PALLD: variants seen among roughly 807,000 people sequenced by gnomAD.
PALLD encodes palladin, cytoskeletal associated protein, also known as palladin.
Under a neutral mutation model 123.5 loss-of-function variants are expected in PALLD, and 61 were observed. That is an observed-to-expected ratio of 0.49 (90% CI 0.40 to 0.61). The LOEUF (loss-of-function observed/expected upper bound fraction) is 0.61. Among genes scored for constraint, PALLD ranks in the 20% least tolerant of loss-of-function variants. The probability of loss-of-function intolerance (pLI) is 0.00; values close to 1 mark genes in which losing one functional copy is unlikely to be tolerated. For missense variants in PALLD, 1,273 were observed against 1,377.0 expected (o/e 0.92, Z 1.20); for synonymous variants, 465 against 496.4 (o/e 0.94, Z 0.84).
rs929698383 is a variant in PALLD at position 168,668,029 on chromosome 4, C to T, written c.909-161C>T. Among the ~76,000 whole-genome samples, 6 of 152,006 alleles carry T rather than the reference C, an allele frequency of 3.9e-5. No homozygotes were observed. In the East Asian group the frequency reaches 1.2e-3, roughly 29 times the overall value. ...ATTGTCTAGTCATTAATTTCACAGT[C>T]TAAATTGTAGAGTTTCCATTAGTAA... On this transcript the variant is annotated intron_variant, in intron 2 of 21. Coordinates refer to ENST00000505667, the MANE Select transcript of PALLD (RefSeq NM_001166108.2).
intron 18 of PALLD, among the ~76,000 whole-genome samples, chr4:168,922,877 G>A (rs539252601): frequency 1.3e-5 from 2 of 152,336 alleles, no homozygotes; most frequent in South Asian, 4.1e-4. Context: ...GTGATGCACA[G>A]TAATTGGAAG....
At chr4:168,822,232 T>G (rs2150800453) in intron 10 of PALLD, among the ~76,000 whole-genome samples, 2 of 152,112 alleles carry the variant, frequency 1.3e-5, no homozygotes, top group South Asian at 4.2e-4. Context: ...TTAGGAATTG[T>G]TTTACATACT....
chr4:168,535,619 G>A (rs1478234834), intron 2 of PALLD, among the ~76,000 whole-genome samples: 1 of 152,192 alleles, frequency 6.6e-6, no homozygotes, highest in East Asian at 1.9e-4. Context: ...ATCACATGGT[G>A]GGTATCACAA....
At chr4:168,917,850 A>G (rs1228783693) in intron 17 of PALLD, among the ~76,000 whole-genome samples, 2 of 152,342 alleles carry the variant, frequency 1.3e-5, no homozygotes, top group African/African-American at 2.4e-5. Flanking sequence ...TAAGAATTAT[A>G]CAGTACAGCT....
At chr4:168,569,028 G>T (rs946935718) in intron 2 of PALLD, among the ~76,000 whole-genome samples, 10 of 151,996 alleles carry the variant, frequency 6.6e-5, no homozygotes, top group African/African-American at 2.4e-4. Context: ...TCCTGGTCTG[G>T]TTTACTTTTT....
At chr4:168,614,618 T>C (rs1774043075) in intron 2 of PALLD, among the ~76,000 whole-genome samples, 1 of 152,234 alleles carries the variant, frequency 6.6e-6, no homozygotes, top group African/African-American at 2.4e-5. Context: ...TTTTGCATAG[T>C]GGACTCTCAG....
intron 10 of PALLD, among the ~76,000 whole-genome samples, chr4:168,728,265 G>A (rs1022076676): frequency 6.6e-6 from 1 of 152,142 alleles, no homozygotes; most frequent in East Asian, 1.9e-4. Context: ...ACTTTGACAG[G>A]AATAGCATTG....
intron 10 of PALLD, among the ~76,000 whole-genome samples, chr4:168,807,277 GCACACACACACA>G (rs72123198): frequency 6.9e-6 from 1 of 144,826 alleles, no homozygotes; most frequent in African/African-American, 2.5e-5. Flanking sequence ...ACACACACAC[GCACACACACACA>G]CACACACACA....
At chr4:168,685,108 A>G (rs150720339) in intron 5 of PALLD, among the ~76,000 whole-genome samples, 4 of 152,342 alleles carry the variant, frequency 2.6e-5, no homozygotes, top group Admixed American at 2.6e-4. Flanking sequence ...CCAATAGCCA[A>G]TGGCTTTTAT....
At chr4:168,875,043 C>T (rs1327036778) in intron 10 of PALLD, among the ~76,000 whole-genome samples, 1 of 151,700 alleles carries the variant, frequency 6.6e-6, no homozygotes, top group African/African-American at 2.4e-5. Context: ...CTTAACTTGT[C>T]ATACTATTTG....
intron 2 of PALLD, among the ~76,000 whole-genome samples, chr4:168,561,398 A>G (rs528982538): frequency 6.6e-6 from 1 of 152,112 alleles, no homozygotes; most frequent in Non-Finnish European, 1.5e-5. Context: ...AGTAGCTGGG[A>G]CTACAGGCTA....
intron 10 of PALLD, among the ~76,000 whole-genome samples, chr4:168,793,192 T>TGTGTGTGC (rs1221667141): frequency 2.6e-5 from 3 of 115,144 alleles, no homozygotes; most frequent in African/African-American, 1.0e-4. Context: ...TATACATATA[T>TGTGTGTGC]ATGTGTGCAT....
intron 10 of PALLD, among the ~76,000 whole-genome samples, chr4:168,831,799 T>G (rs1215009009): frequency 6.6e-6 from 1 of 152,224 alleles, no homozygotes; most frequent in African/African-American, 2.4e-5. Flanking sequence ...AAAACTTAAA[T>G]TCTTTCCCGT....
chr4:168,900,792 A>G (rs1756344829), intron 14 of PALLD, among the ~76,000 whole-genome samples: 1 of 152,242 alleles, frequency 6.6e-6, no homozygotes, highest in Non-Finnish European at 1.5e-5. Flanking sequence ...ACAACTGTGT[A>G]TTCACAACAT....
intron 3 of PALLD, among the ~76,000 whole-genome samples, chr4:168,674,251 C>T (rs1324043227): frequency 1.3e-5 from 2 of 152,074 alleles, no homozygotes. Flanking sequence ...TTTAGCTAGC[C>T]ATGTGGATGT....
intron 10 of PALLD, among the ~76,000 whole-genome samples, chr4:168,717,962 A>G (rs961001251): frequency 9.2e-5 from 14 of 152,218 alleles, no homozygotes; most frequent in Admixed American, 2.6e-4. Flanking sequence ...ACTCTCTAGT[A>G]CATACTTGCA....
In PALLD at chr4:168,926,826, T is replaced by C. The variant is rs1300961826; in HGVS notation, c.*646T>C. The C allele has an allele frequency of 9.0e-6, 2 of 221,876 alleles. No individual in the cohort carries two copies. The highest frequency in any genetic ancestry group is 1.8e-5 in the Non-Finnish European group (2 of 110,906). 13.7% of individuals were successfully genotyped at this position (221,876 alleles called of 1,614,324 possible). A position where few individuals can be genotyped will look rare whatever the true frequency, so the allele number is the denominator to read the frequency against. On this transcript the variant is annotated 3_prime_UTR_variant, in exon 22 of 22. Coordinates refer to ENST00000505667, the MANE Select transcript of PALLD (RefSeq NM_001166108.2). Reference sequence around the variant, plus strand: ...CTGAAGCACAGTGTATTCAGACAGATACAGTGAACCAAGTGCAATATGTAA... The same window carrying C: ...CTGAAGCACAGTGTATTCAGACAGACACAGTGAACCAAGTGCAATATGTAA...
At position 168,742,030 on chromosome 4, in the gene PALLD, T is replaced by G. The variant is rs560989606; in HGVS notation, c.1964+30107T>G. The stretch of plus-strand genomic sequence containing the variant: ...AGCCCACTTGTTTCTGACTTTCCAG[T>G]GCGGGCAAAAGCTGGCAGATCCACC... On this transcript the variant is annotated intron_variant, in intron 10 of 21. Transcript: ENST00000505667. Among the ~76,000 whole-genome samples the G allele has an allele frequency of 2.0e-4, 31 of 152,328 alleles. 1 individual carries two copies. The highest frequency in any genetic ancestry group is 6.5e-4 in the African/African-American group (27 of 41,580).
At chr4:168,859,141 G>A (rs184119120) in intron 10 of PALLD, among the ~76,000 whole-genome samples, 96 of 152,166 alleles carry the variant, frequency 6.3e-4, no homozygotes, top group African/African-American at 2.0e-3. Context: ...TACATGACTC[G>A]GGGCTTACCT....
Sources: allele counts gnomAD v4.1 joint callset (sites outside exome capture counted in the v4.1 genomes callset), GRCh38; gene constraint gnomAD v4.1.1; transcripts MANE v1.5; gene names NCBI Gene and HGNC (gene_info 2026-07-23, HGNC 2026-07-21).